LHFPL3: variants seen among roughly 807,000 people sequenced by gnomAD.
LHFPL3 encodes the protein LHFPL tetraspan subfamily member 3, also known as LHFPL tetraspan subfamily member 3 protein.
A neutral mutation model predicts 19.3 loss-of-function variants in LHFPL3; 5 were observed. The observed-to-expected ratio is 0.26, with a 90% CI of 0.14 to 0.54. LHFPL3 has a LOEUF of 0.54. Ranked by LOEUF, LHFPL3 falls within the 20% of genes least tolerant of loss-of-function variation. The probability of loss-of-function intolerance (pLI) is 0.94; values close to 1 mark genes in which losing one functional copy is unlikely to be tolerated. For synonymous variants in LHFPL3, 133 were observed against 126.2 expected (o/e 1.05, Z -0.36); for missense variants, 249 against 307.4 (o/e 0.81, Z 1.42).
chr7:104,875,520 T>C (rs1791921668), intron 2 of LHFPL3, among the ~76,000 whole-genome samples: 1 of 152,168 alleles, frequency 6.6e-6, no homozygotes, highest in Admixed American at 6.5e-5. Flanking sequence ...TGACTGACGA[T>C]AGTGTTACAT....
intron 1 of LHFPL3, among the ~76,000 whole-genome samples, chr7:104,594,157 C>G (rs542705933): frequency 2.0e-5 from 3 of 152,178 alleles, no homozygotes; most frequent in Admixed American, 1.3e-4. Context: ...TTGGCCTGTT[C>G]TTGCAGTGGC....
intron 2 of LHFPL3, among the ~76,000 whole-genome samples, chr7:104,848,523 T>C (rs1344659214): frequency 6.6e-6 from 1 of 151,896 alleles, no homozygotes; most frequent in Admixed American, 6.6e-5. Flanking sequence ...TGGGGGTGGG[T>C]TTCAGGCTTC....
intron 2 of LHFPL3, among the ~76,000 whole-genome samples, chr7:104,875,870 C>G (rs1027528330): frequency 1.4e-4 from 22 of 152,178 alleles, no homozygotes; most frequent in African/African-American, 5.3e-4. Flanking sequence ...TTTCCCTCCT[C>G]ACTCTCATTA....
intron 1 of LHFPL3, among the ~76,000 whole-genome samples, chr7:104,615,516 G>A (rs981985059): frequency 1.3e-5 from 2 of 152,072 alleles, no homozygotes; most frequent in African/African-American, 2.4e-5. Flanking sequence ...TCCTAAATTC[G>A]GTGATTCAGC....
chr7:104,561,576 C>G (rs1289639424), intron 1 of LHFPL3, among the ~76,000 whole-genome samples: 1 of 151,978 alleles, frequency 6.6e-6, no homozygotes, highest in East Asian at 1.9e-4. Flanking sequence ...CTATGTGTGT[C>G]TCTGCATGTG....
chr7:104,813,785 A>C (rs1479530968), intron 2 of LHFPL3, among the ~76,000 whole-genome samples: 1 of 152,228 alleles, frequency 6.6e-6, no homozygotes, highest in African/African-American at 2.4e-5. Flanking sequence ...GGCATCAGAG[A>C]ACACGGTGGT....
Position 104,347,909 on chromosome 7 carries a change from A to G in LHFPL3, c.445+18685A>G, listed in dbSNP as rs561242485. Among the ~76,000 whole-genome samples, 22 of 151,868 alleles carry G rather than the reference A, an allele frequency of 1.4e-4. No individual in the cohort carries two copies. The East Asian group carries it at 4.3e-3, about 30-fold the overall frequency. On this transcript the variant is annotated intron_variant, in intron 1 of 2. Transcript: ENST00000424859. ...CTGTCTTAAAAAAAAAAAACAAAAT[A>G]AAAAACTTTGCCTTGTTTTCTGATA...
At position 104,833,401 on chromosome 7, in the gene LHFPL3, T is replaced by A. The variant is rs375623200; in HGVS notation, c.683-72786T>A. ...TATATATATAATAGGATATATATAT[T>A]ATATATATATATATAATATATATAT... On this transcript the variant is annotated intron_variant, in intron 2 of 2. Coordinates refer to ENST00000424859, the MANE Select transcript of LHFPL3 (RefSeq NM_199000.3). Among the ~76,000 whole-genome samples, 28 of 4,636 alleles carry A rather than the reference T, an allele frequency of 6.0e-3. 3 individuals are homozygous for A. The highest frequency in any genetic ancestry group is 9.0e-3 in the East Asian group (3 of 334). The allele number at this position is 4,636 out of a possible 152,430, so 3.0% of individuals were successfully genotyped here. A position where few individuals can be genotyped will look rare whatever the true frequency, so the allele number is the denominator to read the frequency against.
rs1189537882 is a variant in LHFPL3, at chr7:104,906,356, C to T, written c.*141C>T. The T allele has an allele frequency of 7.2e-6, 7 of 977,994 alleles. No homozygotes were observed. The highest frequency in any genetic ancestry group is 9.1e-6 in the Non-Finnish European group (6 of 659,802). 60.6% of individuals were successfully genotyped at this position (977,994 alleles called of 1,614,324 possible). A position where few individuals can be genotyped will look rare whatever the true frequency, so the allele number is the denominator to read the frequency against. ...TAGATGAATATGAACAAGAATGGAA[C>T]ATTCACTTGTCAACGCACTTTCTAA... On this transcript the variant is annotated 3_prime_UTR_variant, in exon 3 of 3. Transcript: ENST00000424859.
chr7:104,565,131 A>C (rs1790094342), intron 1 of LHFPL3, among the ~76,000 whole-genome samples: 1 of 152,260 alleles, frequency 6.6e-6, no homozygotes, highest in Non-Finnish European at 1.5e-5. Flanking sequence ...ATAGTGGACC[A>C]GTAGATTTTA....
At chr7:104,426,757 C>A (rs1292656282) in intron 1 of LHFPL3, among the ~76,000 whole-genome samples, 1 of 152,082 alleles carries the variant, frequency 6.6e-6, no homozygotes, top group Non-Finnish European at 1.5e-5. Flanking sequence ...CTTCTTTGGA[C>A]CAACCTCCTA....
chr7:104,643,574 C>T (rs931032607), intron 1 of LHFPL3, among the ~76,000 whole-genome samples: 1 of 152,098 alleles, frequency 6.6e-6, no homozygotes, highest in African/African-American at 2.4e-5. Context: ...AAATTGAGTG[C>T]CCCACAGAGG....
intron 1 of LHFPL3, among the ~76,000 whole-genome samples, chr7:104,589,354 C>A (rs1282403896): frequency 1.3e-5 from 2 of 152,160 alleles, no homozygotes; most frequent in Non-Finnish European, 2.9e-5. Context: ...GACTTTTCTG[C>A]ATCTATTGAG....
intron 1 of LHFPL3, among the ~76,000 whole-genome samples, chr7:104,458,659 A>G (rs1288937874): frequency 6.6e-6 from 1 of 151,644 alleles, no homozygotes; most frequent in African/African-American, 2.4e-5. Flanking sequence ...GAAGAAAGTC[A>G]TTGGTAGCTT....
At chr7:104,493,852 C>T (rs764713578) in intron 1 of LHFPL3, among the ~76,000 whole-genome samples, 19 of 152,042 alleles carry the variant, frequency 1.2e-4, no homozygotes, top group Non-Finnish European at 2.9e-5. Context: ...CTCTGCTATC[C>T]AATAAGGATA....
At position 104,614,680 on chromosome 7, in the gene LHFPL3, CTTCTTTCTTTCT is replaced by C. The variant is rs60085377; in HGVS notation, c.446-121946_446-121935del. On this transcript the variant is annotated intron_variant, in intron 1 of 2. Transcript: ENST00000424859. ...CCTTCCTTCCTTCCTTCCTTCCTTC[CTTCTTTCTTTCT>C]TTCTTTCTTTCTTTCTTTCTTTCTT... Among the ~76,000 whole-genome samples the C allele has an allele frequency of 3.5e-3, 334 of 94,338 alleles. 4 individuals carry two copies. Among genetic ancestry groups the C allele is most frequent in the African/African-American group, 0.012 (274 of 23,236 alleles). The allele number at this position is 94,338 out of a possible 152,430, so 61.9% of individuals were successfully genotyped here. A position where few individuals can be genotyped will look rare whatever the true frequency, so the allele number is the denominator to read the frequency against.
intron 2 of LHFPL3, among the ~76,000 whole-genome samples, chr7:104,855,190 C>T (rs1791480650): frequency 1.3e-5 from 2 of 152,124 alleles, no homozygotes; most frequent in South Asian, 2.1e-4. Flanking sequence ...AGAGCGATAC[C>T]GTGAGACACC....
At chr7:104,528,542 G>A (rs1794233189) in intron 1 of LHFPL3, among the ~76,000 whole-genome samples, 1 of 152,142 alleles carries the variant, frequency 6.6e-6, no homozygotes, top group Non-Finnish European at 1.5e-5. Flanking sequence ...CAAGGGAAGG[G>A]AAGAACTAGT....
At chr7:104,529,801 A>G (rs1477382020) in intron 1 of LHFPL3, among the ~76,000 whole-genome samples, 4 of 152,210 alleles carry the variant, frequency 2.6e-5, no homozygotes, top group African/African-American at 7.2e-5. Flanking sequence ...AGGCTGAATC[A>G]TCACAGAGGA....
Sources: allele counts gnomAD v4.1 joint callset (sites outside exome capture counted in the v4.1 genomes callset), GRCh38; gene constraint gnomAD v4.1.1; transcripts MANE v1.5; gene names NCBI Gene and HGNC (gene_info 2026-07-23, HGNC 2026-07-21).